The following ASB7 variants were observed in gnomAD, a reference collection of about 807,000 sequenced individuals.
ASB7 encodes the protein ankyrin repeat and SOCS box containing 7, also known as ankyrin repeat and SOCS box protein 7.
Under a neutral mutation model 32.5 loss-of-function variants are expected in ASB7, and 4 were observed. The ratio of observed to expected loss-of-function variants is 0.12; its 90% CI spans 0.06 to 0.28. The LOEUF is 0.28. Among genes scored for constraint, ASB7 ranks in the 10% least tolerant of loss-of-function variants. The pLI, the probability that ASB7 is intolerant of heterozygous loss-of-function variation, is 1.00. For synonymous variants in ASB7, 172 were observed against 155.6 expected (o/e 1.11, Z -0.78); for missense variants, 181 against 407.1 (o/e 0.44, Z 4.78).
At chr15:100,614,129 TG>T (rs1174034681) in intron 4 of ASB7, among the ~76,000 whole-genome samples, 1 of 152,056 alleles carries the variant, frequency 6.6e-6, no homozygotes, top group African/African-American at 2.4e-5. Flanking sequence ...AAAAATTAGT[TG>T]GGCATAGTGG....
chr15:100,613,417 C>G (rs961177249), intron 4 of ASB7, among the ~76,000 whole-genome samples: 1 of 152,212 alleles, frequency 6.6e-6, no homozygotes, highest in African/African-American at 2.4e-5. Flanking sequence ...AACACTGAGA[C>G]TAGGAGTAGC....
In ASB7 at chr15:100,603,033, A is replaced by C. The variant is rs1202256229; in HGVS notation, c.-286A>C. The C allele has an allele frequency of 5.0e-6, 2 of 399,220 alleles. No homozygotes were observed. Among genetic ancestry groups the C allele is most frequent in the Non-Finnish European group, 8.8e-6 (2 of 226,622 alleles). The allele number at this position is 399,220 out of a possible 1,614,324, so 24.7% of individuals were successfully genotyped here. ...GGCTGAAAGGAGGAAGAGAAGCAGCAGCTGAGGAGACAGGTAAAGTCCTTT... is the reference window on the plus strand; with the variant it reads ...GGCTGAAAGGAGGAAGAGAAGCAGCCGCTGAGGAGACAGGTAAAGTCCTTT... On this transcript the variant is annotated 5_prime_UTR_variant, in exon 1 of 6. Coordinates refer to ENST00000332783, the MANE Select transcript of ASB7 (RefSeq NM_198243.3).
intron 4 of ASB7, among the ~76,000 whole-genome samples, chr15:100,628,699 G>A (rs2039860987): frequency 6.6e-6 from 1 of 152,204 alleles, no homozygotes; most frequent in Non-Finnish European, 1.5e-5. Flanking sequence ...AATTATTATA[G>A]TTGTTTTTCC....
intron 3 of ASB7, among the ~76,000 whole-genome samples, 152 bp from the exon 4 acceptor site, chr15:100,612,014 T>C (rs1486655396): frequency 6.6e-6 from 1 of 151,760 alleles, no homozygotes; most frequent in Non-Finnish European, 1.5e-5. Flanking sequence ...GCTGGGACTA[T>C]AGGCTTGCAC....
chr15:100,634,958 G>A (rs1010058315), intron 5 of ASB7, among the ~76,000 whole-genome samples: 10 of 152,154 alleles, frequency 6.6e-5, no homozygotes, highest in Admixed American at 3.3e-4. Flanking sequence ...GAAAGGAGGC[G>A]GTGTCTGATT....
intron 5 of ASB7, among the ~76,000 whole-genome samples, chr15:100,643,476 TC>T (rs1392687697): frequency 1.2e-4 from 18 of 144,894 alleles, no homozygotes; most frequent in African/African-American, 4.4e-4. Flanking sequence ...AGTCCCTTCT[TC>T]TTTTTTTTTT....
At chr15:100,636,398 A>G (rs2039923690) in intron 5 of ASB7, among the ~76,000 whole-genome samples, 2 of 152,214 alleles carry the variant, frequency 1.3e-5, no homozygotes, top group African/African-American at 4.8e-5. Flanking sequence ...TAGGAAAAAC[A>G]TATCTGTCCG....
At chr15:100,617,180 G>C (rs575766760) in intron 4 of ASB7, among the ~76,000 whole-genome samples, 30 of 152,118 alleles carry the variant, frequency 2.0e-4, no homozygotes, top group Non-Finnish European at 3.4e-4. Flanking sequence ...CTGCTACAGT[G>C]GTCTCTTCCA....
chr15:100,640,552 C>T (rs1237138898), intron 5 of ASB7, among the ~76,000 whole-genome samples: 2 of 152,172 alleles, frequency 1.3e-5, no homozygotes, highest in African/African-American at 4.8e-5. Flanking sequence ...GTGTGTAGAG[C>T]AATCCAGAGG....
intron 2 of ASB7, among the ~76,000 whole-genome samples, chr15:100,603,991 C>T (rs1486217797): frequency 2.0e-5 from 3 of 152,168 alleles, no homozygotes; most frequent in African/African-American, 7.2e-5. Flanking sequence ...TGTGGATGGG[C>T]TTTGAAACTT....
intron 5 of ASB7, 117 bp from the exon 6 acceptor site, chr15:100,648,206 C>G: frequency 8.9e-7 from 1 of 1,126,148 alleles, no homozygotes; most frequent in Non-Finnish European, 1.2e-6. Flanking sequence ...TCTTTCCGGT[C>G]CTTTGCATGT....
At chr15:100,619,367 G>A (rs1193332719) in intron 4 of ASB7, among the ~76,000 whole-genome samples, 1 of 152,230 alleles carries the variant, frequency 6.6e-6, no homozygotes, top group Non-Finnish European at 1.5e-5. Flanking sequence ...ACAGAGGAAT[G>A]GGAGAACAGA....
rs61153969 is a variant in ASB7 at position 100,611,484 on chromosome 15, C to CTTTTTTTT, written c.-51-676_-51-669dup. On this transcript the variant is annotated intron_variant, in intron 3 of 5. Transcript: ENST00000332783. Reference sequence around the variant, plus strand: ...GGTTAATCACCAGATTGTTTCGATTCTTTTTTTTTTTTTGAGACAGAATTT... The same window carrying CTTTTTTTT: ...GGTTAATCACCAGATTGTTTCGATTCTTTTTTTTTTTTTTTTTTTTTGAGACAGAATTT... Among the ~76,000 whole-genome samples, 45 of 77,152 alleles carry CTTTTTTTT rather than the reference C, an allele frequency of 5.8e-4. 10 individuals carry two copies. The East Asian group carries it at 7.3e-3, about 12-fold the overall frequency. 50.6% of individuals were successfully genotyped at this position (77,152 alleles called of 152,430 possible). A position where few individuals can be genotyped will look rare whatever the true frequency, so the allele number is the denominator to read the frequency against.
intron 5 of ASB7, among the ~76,000 whole-genome samples, chr15:100,633,547 G>A (rs941225831): frequency 6.6e-6 from 1 of 151,744 alleles, no homozygotes; most frequent in Non-Finnish European, 1.5e-5. Context: ...ACTGCACTCC[G>A]GCCTGGGTGA....
At chr15:100,603,190 C>A in intron 1 of ASB7, 25 bp from the exon 2 acceptor site, 2 of 390,232 alleles carry the variant, frequency 5.1e-6, no homozygotes. Flanking sequence ...GACACTACAC[C>A]ACTCACTGGT....
chr15:100,615,290 C>T (rs747924533), intron 4 of ASB7, among the ~76,000 whole-genome samples: 4 of 152,178 alleles, frequency 2.6e-5, no homozygotes, highest in Non-Finnish European at 5.9e-5. Context: ...ATGTAATTCA[C>T]ATGCCACAGA....
chr15:100,640,410 G>T lies in ASB7; in HGVS notation c.818-7913G>T, dbSNP rs891705181. On this transcript the variant is annotated intron_variant, in intron 5 of 5. Coordinates refer to ENST00000332783, the MANE Select transcript of ASB7 (RefSeq NM_198243.3). ...TCTGCCCGCCTTAGCCTCTCAAAGT[G>T]CTGTGATTATAGGCGGGAGCCACCA... 3.3e-5 allele frequency among the ~76,000 whole-genome samples: 5 copies of T among 152,328 alleles called. No homozygotes were observed. In the East Asian group the frequency reaches 9.6e-4, roughly 29 times the overall value.
At chr15:100,642,219 A>ATAACTTGTGAGGATGG (rs538695907) in intron 5 of ASB7, among the ~76,000 whole-genome samples, 97 of 152,370 alleles carry the variant, frequency 6.4e-4, no homozygotes, top group African/African-American at 2.3e-3. Flanking sequence ...GCAGAGATAA[A>ATAACTTGTGAGGATGG]TAACTTGTGA....
intron 5 of ASB7, chr15:100,645,575 T>A: frequency 5.7e-6 from 4 of 705,024 alleles, no homozygotes. Context: ...ATCCCACAGC[T>A]TGACGGTGTT....
Sources: gnomAD v4.1 joint callset for allele counts (sites outside exome capture counted in the v4.1 genomes callset) on GRCh38, gnomAD v4.1.1 for gene constraint, MANE v1.5 for transcripts, NCBI Gene and HGNC (gene_info 2026-07-23, HGNC 2026-07-21) for gene names.